Variants in ADK observed in about 807,000 individuals in gnomAD.
The protein encoded by ADK is adenosine kinase.
ADK carries 24 observed loss-of-function variants against 44.7 expected under a neutral mutation model. That is an observed-to-expected ratio of 0.54 (90% CI 0.39 to 0.76). The LOEUF (loss-of-function observed/expected upper bound fraction) is 0.76. Ranked by LOEUF, ADK falls within the 30% of genes least tolerant of loss-of-function variation. ADK has a pLI of 0.00. For synonymous variants in ADK, 128 were observed against 142.6 expected, an observed-to-expected ratio of 0.90 and a Z score of 0.73; for missense variants, 321 against 425.1, an observed-to-expected ratio of 0.76 and a Z score of 2.15.
chr10:74,332,686 A>G (rs1214242635), intron 4 of ADK, among the ~76,000 whole-genome samples: 1 of 152,232 alleles, frequency 6.6e-6, no homozygotes, highest in Non-Finnish European at 1.5e-5. Context: ...TGAACAAAAT[A>G]TTGCACAACA....
At chr10:74,423,647 C>A in intron 6 of ADK, 2 of 393,938 alleles carry the variant, frequency 5.1e-6, no homozygotes, top group South Asian at 2.1e-5. Flanking sequence ...AATTCTGGGG[C>A]TTTCTTGCTG....
chr10:74,339,161 A>G (rs1358583646), intron 4 of ADK, among the ~76,000 whole-genome samples: 1 of 152,006 alleles, frequency 6.6e-6, no homozygotes, highest in Non-Finnish European at 1.5e-5. Context: ...GGGTCTCACC[A>G]TGTTGCCCAG....
chr10:74,698,427 A>C (rs1856283587), intron 10 of ADK, among the ~76,000 whole-genome samples: 1 of 152,258 alleles, frequency 6.6e-6, no homozygotes, highest in African/African-American at 2.4e-5. Flanking sequence ...AGCCAGTGGC[A>C]CTGGGAAAAA....
At chr10:74,315,412 C>A (rs1840585116) in intron 4 of ADK, among the ~76,000 whole-genome samples, 1 of 151,998 alleles carries the variant, frequency 6.6e-6, no homozygotes, top group South Asian at 2.1e-4. Context: ...CCATATCTTC[C>A]AATGAGTAAT....
chr10:74,537,425 C>T (rs1224746538), intron 7 of ADK, among the ~76,000 whole-genome samples: 1 of 152,144 alleles, frequency 6.6e-6, no homozygotes, highest in Non-Finnish European at 1.5e-5. Flanking sequence ...CAGCAACAAC[C>T]ATTTGTTAGC....
intron 9 of ADK, among the ~76,000 whole-genome samples, chr10:74,642,710 C>T (rs1029764531): frequency 1.3e-5 from 2 of 151,810 alleles, no homozygotes; most frequent in African/African-American, 4.8e-5. Flanking sequence ...CTTGCATTCA[C>T]ACATAATATA....
chr10:74,577,058 GTATT>G (rs1351925186), intron 7 of ADK, among the ~76,000 whole-genome samples: 1 of 149,254 alleles, frequency 6.7e-6, no homozygotes, highest in East Asian at 2.0e-4. Context: ...TTTCAATTTA[GTATT>G]TATTCACCAT....
chr10:74,578,393 A>G (rs1234895827), intron 7 of ADK, among the ~76,000 whole-genome samples: 2 of 152,044 alleles, frequency 1.3e-5, no homozygotes, highest in Non-Finnish European at 2.9e-5. Flanking sequence ...AAAGATATAC[A>G]TTTTACTTAT....
intron 7 of ADK, among the ~76,000 whole-genome samples, chr10:74,546,507 T>G (rs1849822943): frequency 6.6e-6 from 1 of 152,164 alleles, no homozygotes. Context: ...TGTCACTGAT[T>G]TAGTTATCAG....
At chr10:74,247,224 G>GTTTTTTTTTTTTTTTTT (rs142274121) in intron 3 of ADK, among the ~76,000 whole-genome samples, 13 of 72,002 alleles carry the variant, frequency 1.8e-4, no homozygotes, top group Non-Finnish European at 2.3e-4. Flanking sequence ...TTTTTTTTAA[G>GTTTTTTTTTTTTTTTTT]TTTTTTTTTT....
chr10:74,685,683 T>A (rs1471241961), intron 10 of ADK, among the ~76,000 whole-genome samples: 1 of 152,244 alleles, frequency 6.6e-6, no homozygotes, highest in Non-Finnish European at 1.5e-5. Flanking sequence ...ATATCATTTT[T>A]ATGTGCATTT....
At chr10:74,357,792 A>G (rs1842196368) in intron 4 of ADK, among the ~76,000 whole-genome samples, 2 of 152,156 alleles carry the variant, frequency 1.3e-5, no homozygotes, top group African/African-American at 4.8e-5. Context: ...ATAATCTGTG[A>G]TCAATGAGCA....
chr10:74,482,512 A>G lies in ADK; in HGVS notation c.556-42744A>G, dbSNP rs552640282. On this transcript the variant is annotated intron_variant, in intron 6 of 10. Transcript: ENST00000539909. ...TTCTCCCAAATCTCATGTCTTTCCTACAGTGCAAAATAGAATCATCCCTTC... is the reference window on the plus strand; with the variant it reads ...TTCTCCCAAATCTCATGTCTTTCCTGCAGTGCAAAATAGAATCATCCCTTC... Among the ~76,000 whole-genome samples, 3 of 152,270 alleles carry G rather than the reference A, an allele frequency of 2.0e-5. No homozygotes were observed. In the South Asian group the frequency reaches 6.2e-4, roughly 32 times the overall value.
chr10:74,594,973 C>G (rs1851851833), intron 8 of ADK, among the ~76,000 whole-genome samples: 1 of 151,882 alleles, frequency 6.6e-6, no homozygotes, highest in African/African-American at 2.4e-5. Context: ...ATCAGGAGTT[C>G]GAGACCAGCC....
chr10:74,258,333 A>G (rs1404857240), intron 3 of ADK, among the ~76,000 whole-genome samples: 1 of 152,120 alleles, frequency 6.6e-6, no homozygotes, highest in Non-Finnish European at 1.5e-5. Flanking sequence ...AAGGATTTGT[A>G]CTAAGATGAT....
intron 4 of ADK, among the ~76,000 whole-genome samples, chr10:74,384,724 A>G (rs1443299613): frequency 6.6e-6 from 1 of 152,152 alleles, no homozygotes; most frequent in Non-Finnish European, 1.5e-5. Flanking sequence ...TTAGGACAAC[A>G]TTGTCTCAGT....
At chr10:74,188,347 T>TAATGTA (rs1564580849) in intron 1 of ADK, among the ~76,000 whole-genome samples, 10 of 142,384 alleles carry the variant, frequency 7.0e-5, no homozygotes, top group African/African-American at 2.6e-4. Context: ...TTTTTAATTT[T>TAATGTA]TTTTTTTTTT....
intron 6 of ADK, among the ~76,000 whole-genome samples, chr10:74,464,621 T>C (rs2133260555): frequency 6.6e-6 from 1 of 152,358 alleles, no homozygotes; most frequent in Non-Finnish European, 1.5e-5. Flanking sequence ...ATAGTTTTAC[T>C]GTATATTTGT....
chr10:74,244,932 A>G (rs1011520114), intron 3 of ADK, among the ~76,000 whole-genome samples: 12 of 152,224 alleles, frequency 7.9e-5, no homozygotes, highest in African/African-American at 2.7e-4. Context: ...AGCTGGAAAG[A>G]TTTAGCCAGC....
Sources: allele counts gnomAD v4.1 joint callset (sites outside exome capture counted in the v4.1 genomes callset), GRCh38; gene constraint gnomAD v4.1.1; transcripts MANE v1.5; gene names NCBI Gene and HGNC (gene_info 2026-07-23, HGNC 2026-07-21).